Variants in GABARAPL2 observed in about 807,000 individuals in gnomAD.
GABARAPL2 encodes the protein GABA type A receptor associated protein like 2.
Under a neutral mutation model 16.9 loss-of-function variants are expected in GABARAPL2, and 11 were observed. The ratio of observed to expected loss-of-function variants is 0.65; its 90% CI spans 0.41 to 1.08. The LOEUF (loss-of-function observed/expected upper bound fraction) is 1.08. Ranked by LOEUF, GABARAPL2 falls within the 50% of genes least tolerant of loss-of-function variation. The pLI, the probability that GABARAPL2 is intolerant of heterozygous loss-of-function variation, is 0.00. For missense variants in GABARAPL2, 134 were observed against 142.5 expected, an observed-to-expected ratio of 0.94 and a Z score of 0.30; for synonymous variants, 57 against 50.7, an observed-to-expected ratio of 1.12 and a Z score of -0.53.
chr16:75,571,296 T>A (rs1005577722), intron 3 of GABARAPL2, among the ~76,000 whole-genome samples: 1 of 152,168 alleles, frequency 6.6e-6, no homozygotes, highest in Non-Finnish European at 1.5e-5. Flanking sequence ...TGGCCAGATA[T>A]TATAACTGAC....
chr16:75,577,694 A>T lies in GABARAPL2; in HGVS notation c.*325A>T. The T allele has an allele frequency of 4.7e-6, 1 of 212,356 alleles. No individual in the cohort carries two copies. The highest frequency in any genetic ancestry group is 9.6e-6 in the Non-Finnish European group (1 of 104,482). 13.2% of individuals were successfully genotyped at this position (212,356 alleles called of 1,614,324 possible). ...AAGTGAAAGGGAAGGTGATGCATTT[A>T]TTCTGGGTTATGCTTGAAGTGTTAG... On this transcript the variant is annotated 3_prime_UTR_variant, in exon 4 of 4. Transcript: ENST00000037243.
At chr16:75,573,641 G>T (rs193201010) in intron 3 of GABARAPL2, among the ~76,000 whole-genome samples, 12 of 152,390 alleles carry the variant, frequency 7.9e-5, no homozygotes, top group East Asian at 7.7e-4. Context: ...ATGTGATGCA[G>T]AGACTGGCAG....
intron 3 of GABARAPL2, among the ~76,000 whole-genome samples, chr16:75,573,907 T>C (rs2080931356): frequency 6.6e-6 from 1 of 152,202 alleles, no homozygotes; most frequent in African/African-American, 2.4e-5. Flanking sequence ...ATCTACCTCA[T>C]GAGATTGTTT....
chr16:75,568,111 C>T lies in GABARAPL2; in HGVS notation c.165C>T (p.Ile55=), dbSNP rs11556292. 6.2e-7 allele frequency: 1 copy of T among 1,611,642 alleles called. No homozygotes were observed. Among genetic ancestry groups the T allele is most frequent in the East Asian group, 2.2e-5 (1 of 44,852 alleles). Residue 55 remains isoleucine, a synonymous_variant, in exon 3 of 4, where the codon ATC becomes ATT. Transcript: ENST00000037243. Reference sequence around the variant, plus strand: ...GGAAGTACTTGGTTCCATCTGATATCACTGTGGCTCAGTTCATGTGGATCA... The same window carrying T: ...GGAAGTACTTGGTTCCATCTGATATTACTGTGGCTCAGTTCATGTGGATCA... ...DKRKYLVPSD[I]TVAQFMWIIR... is the part of the protein sequence containing the mutation.
chr16:75,568,014 C>T lies in GABARAPL2; in HGVS notation c.91-23C>T, dbSNP rs773314150. On this transcript the variant is annotated intron_variant, in intron 2 of 3. Transcript: ENST00000037243. ...GAGCCTCGCTTTAGGAAACACAGTC[C>T]TGACCTCTCTTTACTTTCCCAGGTG... is the stretch of plus-strand genomic sequence containing the variant. The T allele has an allele frequency of 3.8e-6, 6 of 1,584,804 alleles. No homozygotes were observed. The African/African-American group carries it at 5.4e-5, about 14-fold the overall frequency.
At chr16:75,568,240 G>C (rs1338331752) in intron 3 of GABARAPL2, 31 bp downstream of exon 3, 2 of 1,499,792 alleles carry the variant, frequency 1.3e-6, no homozygotes, top group Admixed American at 3.5e-5. Flanking sequence ...GGGCCCTCTG[G>C]TATTAGACAT....
At chr16:75,572,520 A>G (rs1255416559) in intron 3 of GABARAPL2, 4 of 152,230 alleles carry the variant, frequency 2.6e-5, no homozygotes, top group Admixed American at 2.6e-4. Context: ...CCCAATGCAT[A>G]GCGCTGTTGG....
rs2080905981 is a variant in GABARAPL2 at position 75,570,015 on chromosome 16, C to T, written c.263+1806C>T. Among the ~76,000 whole-genome samples the T allele has an allele frequency of 2.6e-5, 4 of 152,192 alleles. No homozygotes were observed. In the South Asian group the frequency reaches 8.3e-4, roughly 32 times the overall value. On this transcript the variant is annotated intron_variant, in intron 3 of 3. Coordinates refer to ENST00000037243, the MANE Select transcript of GABARAPL2 (RefSeq NM_007285.7). ...AGTCACCAGCTAGGGCCCTTTTGCCCAGGCTGTCAGCTCTTTGGCCCCAGT... is the reference window on the plus strand; with the variant it reads ...AGTCACCAGCTAGGGCCCTTTTGCCTAGGCTGTCAGCTCTTTGGCCCCAGT...
chr16:75,566,403 C>G lies in GABARAPL2; in HGVS notation c.-84C>G, dbSNP rs538421845. On this transcript the variant is annotated 5_prime_UTR_variant, in exon 1 of 4. Coordinates refer to ENST00000037243, the MANE Select transcript of GABARAPL2 (RefSeq NM_007285.7). ...TAGTCGCCGCCGTCGCTGCCGCTGC[C>G]GCTGCCGCCGTCGTTGTTGTTGTGC... 4.7e-6 allele frequency: 5 copies of G among 1,055,978 alleles called. No homozygotes were observed. The highest frequency in any genetic ancestry group is 2.8e-5 in the East Asian group (1 of 35,966). The allele number at this position is 1,055,978 out of a possible 1,614,324, so 65.4% of individuals were successfully genotyped here. A position where few individuals can be genotyped will look rare whatever the true frequency, so the allele number is the denominator to read the frequency against.
At chr16:75,566,971 C>T in intron 2 of GABARAPL2, 64 bp downstream of exon 2, 1 of 1,322,772 alleles carries the variant, frequency 7.6e-7, no homozygotes, top group East Asian at 2.3e-5. Context: ...CGTGATAGGC[C>T]CCAGGCCATT....
At chr16:75,575,032 T>TACAAA (rs1046143978) in intron 3 of GABARAPL2, among the ~76,000 whole-genome samples, 25 of 152,106 alleles carry the variant, frequency 1.6e-4, no homozygotes, top group Middle Eastern at 3.4e-3. Flanking sequence ...ACTCTGTCTT[T>TACAAA]ACAAAACAAA....
rs376590621 is a variant in GABARAPL2, at chr16:75,577,407, G to T, written c.*38G>T. 7 of 1,216,938 alleles carry T rather than the reference G, an allele frequency of 5.8e-6. No individual in the cohort carries two copies. Among genetic ancestry groups the T allele is most frequent in the African/African-American group, 1.5e-5 (1 of 67,378 alleles). The allele number at this position is 1,216,938 out of a possible 1,614,324, so 75.4% of individuals were successfully genotyped here. On this transcript the variant is annotated 3_prime_UTR_variant, in exon 4 of 4. Transcript: ENST00000037243. ...GGCTAGGTGCACCGTAACTGCTTGT[G>T]TATCTTGTAAATAGCCAGCCATTTT...
At chr16:75,567,799 G>T (rs1403970096) in intron 2 of GABARAPL2, among the ~76,000 whole-genome samples, 1 of 152,128 alleles carries the variant, frequency 6.6e-6, no homozygotes, top group African/African-American at 2.4e-5. Flanking sequence ...TAGTGGTAAG[G>T]GCTGCATTTC....
intron 3 of GABARAPL2, among the ~76,000 whole-genome samples, chr16:75,568,657 A>G (rs1321977740): frequency 2.6e-5 from 4 of 152,224 alleles, no homozygotes; most frequent in Non-Finnish European, 5.9e-5. Context: ...GTAAGAGTCT[A>G]TAGCTGCCTG....
At position 75,566,421 on chromosome 16, in the gene GABARAPL2, T is replaced by G; in HGVS notation, c.-66T>G. Reference sequence around the variant, plus strand: ...CCGCTGCCGCTGCCGCCGTCGTTGTTGTTGTGCTCGGTGCGCTGAGCTCCG... The same window carrying G: ...CCGCTGCCGCTGCCGCCGTCGTTGTGGTTGTGCTCGGTGCGCTGAGCTCCG... On this transcript the variant is annotated 5_prime_UTR_variant, in exon 1 of 4. Coordinates refer to ENST00000037243, the MANE Select transcript of GABARAPL2 (RefSeq NM_007285.7). 8.1e-7 allele frequency: 1 copy of G among 1,232,306 alleles called. No individual in the cohort carries two copies. Among genetic ancestry groups the G allele is most frequent in the Non-Finnish European group, 1.2e-6 (1 of 852,766 alleles). The allele number at this position is 1,232,306 out of a possible 1,614,324, so 76.3% of individuals were successfully genotyped here.
intron 3 of GABARAPL2, chr16:75,572,478 T>C (rs966938364): frequency 1.3e-5 from 2 of 152,338 alleles, no homozygotes; most frequent in Non-Finnish European, 2.9e-5. Context: ...TCTCTAGGGA[T>C]TGGGCATCCA....
At chr16:75,573,879 A>G (rs899575143) in intron 3 of GABARAPL2, among the ~76,000 whole-genome samples, 5 of 152,178 alleles carry the variant, frequency 3.3e-5, no homozygotes, top group African/African-American at 1.2e-4. Flanking sequence ...CTATCTAGGA[A>G]CTATGGATTA....
chr16:75,568,647 G>GT (rs917559241), intron 3 of GABARAPL2, among the ~76,000 whole-genome samples: 57 of 152,322 alleles, frequency 3.7e-4, no homozygotes, highest in African/African-American at 1.4e-3. Flanking sequence ...CTTTGACATT[G>GT]TAAGAGTCTA....
chr16:75,574,149 C>T (rs188339345), intron 3 of GABARAPL2, among the ~76,000 whole-genome samples: 9 of 152,318 alleles, frequency 5.9e-5, no homozygotes, highest in Admixed American at 5.2e-4. Context: ...AGTCTCACGA[C>T]CTGCCTTCAA....
Sources: allele counts gnomAD v4.1 joint callset (sites outside exome capture counted in the v4.1 genomes callset), GRCh38; gene constraint gnomAD v4.1.1; transcripts MANE v1.5; gene names NCBI Gene and HGNC (gene_info 2026-07-23, HGNC 2026-07-21).